The following PTPN4 variants were observed in gnomAD, a reference collection of about 807,000 sequenced individuals.
The protein encoded by PTPN4 is tyrosine-protein phosphatase non-receptor type 4.
Under a neutral mutation model 135.5 loss-of-function variants are expected in PTPN4, and 49 were observed. The observed-to-expected ratio is 0.36, with a 90% CI of 0.29 to 0.46. The LOEUF is 0.46. PTPN4 is among the 20% of genes least tolerant of loss of function. The probability of loss-of-function intolerance (pLI) is 1.00; values close to 1 mark genes in which losing one functional copy is unlikely to be tolerated. For synonymous variants in PTPN4, 333 were observed against 369.9 expected (o/e 0.90, Z 1.14); for missense variants, 860 against 1,101.0 (o/e 0.78, Z 3.10).
chr2:119,773,735 CAAA>C (rs59142325), intron 1 of PTPN4, among the ~76,000 whole-genome samples: 3 of 108,364 alleles, frequency 2.8e-5, no homozygotes, highest in Non-Finnish European at 3.8e-5. Context: ...GACTCTGTCT[CAAA>C]AAAAAAAAAA....
At chr2:119,943,572 A>ATTT (rs1248902057) in intron 15 of PTPN4, among the ~76,000 whole-genome samples, 2 of 96,950 alleles carry the variant, frequency 2.1e-5, no homozygotes, top group African/African-American at 7.7e-5. Context: ...AAGCTGTTTC[A>ATTT]TTTTTTTCTT....
At chr2:119,771,982 A>G (rs7608013) in intron 1 of PTPN4, among the ~76,000 whole-genome samples, 3,849 of 152,300 alleles carry the variant, frequency 0.025, 163 homozygotes, top group African/African-American at 0.087. Flanking sequence ...ATAAAATAAA[A>G]TGAAGGAGTT....
chr2:119,814,172 A>G (rs1232538385), intron 2 of PTPN4, among the ~76,000 whole-genome samples: 2 of 152,214 alleles, frequency 1.3e-5, no homozygotes, highest in African/African-American at 4.8e-5. Flanking sequence ...GAGTTTGTAG[A>G]GCCTCACTGC....
At chr2:119,775,065 G>A (rs1203663344) in intron 1 of PTPN4, among the ~76,000 whole-genome samples, 1 of 128,358 alleles carries the variant, frequency 7.8e-6, no homozygotes, top group Non-Finnish European at 1.6e-5. Flanking sequence ...TGCCTAACAG[G>A]TTTTTAATGC....
intron 24 of PTPN4, among the ~76,000 whole-genome samples, chr2:119,964,462 A>G (rs1679418884): frequency 6.6e-6 from 1 of 152,298 alleles, no homozygotes; most frequent in South Asian, 2.1e-4. Flanking sequence ...ATATACATTT[A>G]TCTTGAGATT....
At chr2:119,835,897 G>A (rs1326553228) in intron 2 of PTPN4, among the ~76,000 whole-genome samples, 2 of 151,766 alleles carry the variant, frequency 1.3e-5, no homozygotes, top group African/African-American at 4.8e-5. Context: ...GTGAAACCCT[G>A]TCTCTACTAA....
At chr2:119,844,582 G>A (rs978776081) in intron 2 of PTPN4, among the ~76,000 whole-genome samples, 6 of 149,430 alleles carry the variant, frequency 4.0e-5, no homozygotes, top group South Asian at 2.1e-4. Flanking sequence ...ACGGGGTCTC[G>A]GCCGGGCAGA....
At chr2:119,919,750 T>A (rs1574404517) in intron 11 of PTPN4, among the ~76,000 whole-genome samples, 1 of 143,880 alleles carries the variant, frequency 7.0e-6, no homozygotes, top group East Asian at 2.0e-4. Context: ...CTTGAACCCA[T>A]GAGGTGGAGG....
At chr2:119,890,272 CT>C (rs60831914) in intron 9 of PTPN4, among the ~76,000 whole-genome samples, 25 of 147,618 alleles carry the variant, frequency 1.7e-4, no homozygotes, top group African/African-American at 3.7e-4. Context: ...CCTTCTTTGT[CT>C]TTTTTTTTTA....
At position 119,900,820 on chromosome 2, in the gene PTPN4, T is replaced by C; in HGVS notation, c.764+14T>C. 1 of 1,443,858 alleles carries C rather than the reference T, an allele frequency of 6.9e-7. No individual in the cohort carries two copies. Among genetic ancestry groups the C allele is most frequent in the East Asian group, 2.3e-5 (1 of 42,602 alleles). The allele number at this position is 1,443,858 out of a possible 1,614,324, so 89.4% of individuals were successfully genotyped here. A position where few individuals can be genotyped will look rare whatever the true frequency, so the allele number is the denominator to read the frequency against. On this transcript the variant is annotated intron_variant, in intron 10 of 26. Transcript: ENST00000263708. ...TACCTTTCCATGGTAAGAACATCTA[T>C]TGATACTTTTATGTTTACCACTGTA...
At position 119,850,097 on chromosome 2, in the gene PTPN4, G is replaced by T. The variant is rs78774505; in HGVS notation, c.139-12439G>T. 3.2e-3 allele frequency among the ~76,000 whole-genome samples: 495 copies of T among 152,328 alleles called. 2 individuals carry two copies. The highest frequency in any genetic ancestry group is 0.011 in the African/African-American group (468 of 41,578). ...TAGCTGACGTATGTTGTTTTCAAGAGCACTCTTAGACTGGAACTTCTCTAT... is the reference window on the plus strand; with the variant it reads ...TAGCTGACGTATGTTGTTTTCAAGATCACTCTTAGACTGGAACTTCTCTAT... On this transcript the variant is annotated intron_variant, in intron 2 of 26. Transcript: ENST00000263708.
chr2:119,766,456 GTGTGTGTGTGTGTGTGTGTGTGTGTGT>G (rs1558718905), intron 1 of PTPN4, among the ~76,000 whole-genome samples: 26 of 110,172 alleles, frequency 2.4e-4, no homozygotes, highest in African/African-American at 9.0e-4. Context: ...GCGCGTGTGT[GTGTGTGTGTGTGTGTGTGTGTGTGTGT>G]CTGTGTGTGT....
chr2:119,814,302 A>G (rs1676955404), intron 2 of PTPN4, among the ~76,000 whole-genome samples: 1 of 152,186 alleles, frequency 6.6e-6, no homozygotes, highest in African/African-American at 2.4e-5. Context: ...ATCTGCCTGT[A>G]CAATTAGTAC....
chr2:119,946,504 A>G lies in PTPN4; in HGVS notation c.1600-14A>G. ...GTAATATTTGACTAACATTTTACTT[A>G]TTCTCTTTTTAAGGGAGGATATGAT... On this transcript the variant is annotated splice_polypyrimidine_tract_variant and intron_variant, in intron 17 of 26. Transcript: ENST00000263708. 1 of 1,603,954 alleles carries G rather than the reference A, an allele frequency of 6.2e-7. No homozygotes were observed. Among genetic ancestry groups the G allele is most frequent in the Non-Finnish European group, 8.5e-7 (1 of 1,174,562 alleles).
chr2:119,811,204 A>G (rs1396561423), intron 2 of PTPN4, among the ~76,000 whole-genome samples: 1 of 152,198 alleles, frequency 6.6e-6, no homozygotes, highest in Admixed American at 6.5e-5. Flanking sequence ...TGTTGTGCAC[A>G]TGTACCCTAG....
chr2:119,894,727 G>A (rs1436509256), intron 9 of PTPN4, among the ~76,000 whole-genome samples: 1 of 151,922 alleles, frequency 6.6e-6, no homozygotes, highest in African/African-American at 2.4e-5. Flanking sequence ...TTCCCCAAAG[G>A]AATAATTTTT....
chr2:119,857,519 G>A (rs969098437), intron 2 of PTPN4, among the ~76,000 whole-genome samples: 7 of 150,774 alleles, frequency 4.6e-5, no homozygotes, highest in Non-Finnish European at 8.8e-5. Flanking sequence ...GGGTGACAGA[G>A]TGAGACTCCA....
chr2:119,778,101 A>G (rs1200155816), intron 1 of PTPN4, among the ~76,000 whole-genome samples: 4 of 152,196 alleles, frequency 2.6e-5, no homozygotes, highest in African/African-American at 7.2e-5. Context: ...TTTAAATATA[A>G]TACCACATAC....
chr2:119,793,934 C>T (rs1691203426), intron 1 of PTPN4, among the ~76,000 whole-genome samples: 1 of 133,338 alleles, frequency 7.5e-6, no homozygotes, highest in Non-Finnish European at 1.5e-5. Flanking sequence ...TAGCTCACAG[C>T]AGCCTCGAAC....
Sources: gnomAD v4.1 joint callset for allele counts (sites outside exome capture counted in the v4.1 genomes callset) on GRCh38, gnomAD v4.1.1 for gene constraint, MANE v1.5 for transcripts, NCBI Gene and HGNC (gene_info 2026-07-23, HGNC 2026-07-21) for gene names.